FMN1: variants seen among roughly 807,000 people sequenced by gnomAD.
FMN1 encodes formin-1.
A neutral mutation model predicts 132.4 loss-of-function variants in FMN1; 110 were observed. The ratio of observed to expected loss-of-function variants is 0.83; its 90% CI spans 0.71 to 0.97. FMN1 has a LOEUF of 0.97. Ranked by LOEUF, FMN1 falls within the 50% of genes least tolerant of loss-of-function variation. The probability of loss-of-function intolerance (pLI) is 0.00; values close to 1 mark genes in which losing one functional copy is unlikely to be tolerated. For synonymous variants in FMN1, 722 were observed against 651.7 expected (o/e 1.11, Z -1.64); for missense variants, 1,792 against 1,705.3 (o/e 1.05, Z -0.90).
At chr15:32,898,688 C>T (rs1466100053) in intron 15 of FMN1, 146 bp downstream of exon 15, 32 of 550,408 alleles carry the variant, frequency 5.8e-5, no homozygotes, top group Non-Finnish European at 3.3e-6. Flanking sequence ...CTCTTGGTTT[C>T]AGTGTGCTCA....
intron 4 of FMN1, among the ~76,000 whole-genome samples, chr15:33,127,320 C>G (rs1057492528): frequency 6.6e-6 from 1 of 152,012 alleles, no homozygotes; most frequent in Non-Finnish European, 1.5e-5. Context: ...TAATGCTCCT[C>G]CACATTCAAC....
intron 15 of FMN1, among the ~76,000 whole-genome samples, chr15:32,888,645 C>T (rs978801268): frequency 6.6e-6 from 1 of 152,172 alleles, no homozygotes; most frequent in East Asian, 1.9e-4. Flanking sequence ...TTGAAGTCCC[C>T]ATTTGATTTA....
chr15:32,815,743 C>G (rs763970085), intron 17 of FMN1, among the ~76,000 whole-genome samples: 2 of 152,136 alleles, frequency 1.3e-5, no homozygotes, highest in Non-Finnish European at 2.9e-5. Context: ...TAGTCTAATA[C>G]AATGGCCTAG....
chr15:33,126,013 T>C (rs59336673), intron 4 of FMN1, among the ~76,000 whole-genome samples: 1 of 151,816 alleles, frequency 6.6e-6, no homozygotes, highest in South Asian at 2.1e-4. Context: ...ACACATGAGA[T>C]AACAGTAATA....
intron 4 of FMN1, among the ~76,000 whole-genome samples, chr15:33,128,649 G>A (rs1327917438): frequency 6.6e-6 from 1 of 152,170 alleles, no homozygotes; most frequent in Non-Finnish European, 1.5e-5. Context: ...AAGACGGTGC[G>A]TCCGGATGCT....
intron 9 of FMN1, among the ~76,000 whole-genome samples, chr15:32,934,598 C>CTTTT (rs376553575): frequency 2.4e-5 from 3 of 127,126 alleles, no homozygotes; most frequent in East Asian, 2.2e-4. Flanking sequence ...AATTTTTTTC[C>CTTTT]TTTTTTTTTT....
At chr15:32,944,517 G>A (rs1197016294) in intron 9 of FMN1, among the ~76,000 whole-genome samples, 3 of 152,156 alleles carry the variant, frequency 2.0e-5, no homozygotes, top group Non-Finnish European at 1.5e-5. Flanking sequence ...AAACTGTTAG[G>A]TCTGAATCTC....
chr15:33,014,295 G>C (rs1459440030), intron 6 of FMN1, among the ~76,000 whole-genome samples: 3 of 152,216 alleles, frequency 2.0e-5, no homozygotes, highest in Admixed American at 2.0e-4. Flanking sequence ...GATGCTTCTT[G>C]AGGCTTGCAG....
At chr15:32,984,267 GTTTT>G (rs1205239712) in intron 7 of FMN1, among the ~76,000 whole-genome samples, 2 of 151,896 alleles carry the variant, frequency 1.3e-5, no homozygotes, top group African/African-American at 2.4e-5. Flanking sequence ...ACTACTTTGG[GTTTT>G]TTATTTTCTT....
At chr15:33,086,099 A>C (rs2038680606) in intron 5 of FMN1, among the ~76,000 whole-genome samples, 1 of 151,920 alleles carries the variant, frequency 6.6e-6, no homozygotes, top group Non-Finnish European at 1.5e-5. Context: ...AAAATACAAA[A>C]AATTAGCTGG....
At chr15:33,067,478 C>T (rs768258152) in intron 5 of FMN1, 2 of 1,613,926 alleles carry the variant, frequency 1.2e-6, no homozygotes, top group East Asian at 2.2e-5. Flanking sequence ...CCCACGAACA[C>T]AAATGACATC....
chr15:33,082,447 T>C (rs1459801770), intron 5 of FMN1, among the ~76,000 whole-genome samples: 1 of 152,208 alleles, frequency 6.6e-6, no homozygotes, highest in Admixed American at 6.5e-5. Context: ...GTTTTCAATT[T>C]CAGGCCATAC....
At position 33,153,199 on chromosome 15, in the gene FMN1, C is replaced by T; in HGVS notation, c.1716G>A (p.Glu572=). 1 of 1,536,126 alleles carries T rather than the reference C, an allele frequency of 6.5e-7. No individual in the cohort carries two copies. Among genetic ancestry groups the T allele is most frequent in the Non-Finnish European group, 8.7e-7 (1 of 1,146,920 alleles). Residue 572 remains glutamate, a synonymous_variant, in exon 4 of 21, where the codon GAG becomes GAA. Coordinates refer to ENST00000616417, the MANE Select transcript of FMN1 (RefSeq NM_001277313.2). ...CCGTGACCTTTGCAGAGGATGGTGG[C>T]TCCAAGGTGTCAGCAGAGACGCACC... ...FSGCVSADTL[E]PPSSAKVTET... is the part of the protein sequence containing the mutation.
At position 33,144,000 on chromosome 15, in the gene FMN1, A is replaced by G. The variant is rs1286201116; in HGVS notation, c.1867+9048T>C. Among the ~76,000 whole-genome samples, 8 of 152,230 alleles carry G rather than the reference A, an allele frequency of 5.3e-5. No homozygotes were observed. The East Asian group carries it at 1.5e-3, about 29-fold the overall frequency. On this transcript the variant is annotated intron_variant, in intron 4 of 20. Transcript: ENST00000616417. Reference sequence around the variant, plus strand: ...ATAGAAATATGATATGGAAATCAGTAGGGACAAAATTACTATTAGATGCAG... The same window carrying G: ...ATAGAAATATGATATGGAAATCAGTGGGGACAAAATTACTATTAGATGCAG...
intron 4 of FMN1, among the ~76,000 whole-genome samples, chr15:33,129,237 C>T (rs1450532495): frequency 6.6e-6 from 1 of 152,142 alleles, no homozygotes; most frequent in East Asian, 1.9e-4. Context: ...GGAATTGAAA[C>T]CACTCAGTGA....
chr15:33,168,014 A>C (rs762652270), intron 3 of FMN1, among the ~76,000 whole-genome samples: 1 of 152,162 alleles, frequency 6.6e-6, no homozygotes, highest in Non-Finnish European at 1.5e-5. Flanking sequence ...ATCCACTAAG[A>C]TCAAACCCGT....
intron 6 of FMN1, among the ~76,000 whole-genome samples, chr15:33,011,846 C>T (rs964405056): frequency 2.0e-5 from 3 of 151,990 alleles, no homozygotes; most frequent in Non-Finnish European, 4.4e-5. Flanking sequence ...AAAAGGTGCT[C>T]CTTATTAGTA....
At chr15:32,803,572 T>A (rs1377994725) in intron 18 of FMN1, among the ~76,000 whole-genome samples, 1 of 152,158 alleles carries the variant, frequency 6.6e-6, no homozygotes, top group Non-Finnish European at 1.5e-5. Flanking sequence ...AAATTGTCCA[T>A]ACGCTGTATG....
chr15:32,815,556 C>T (rs760626704), intron 17 of FMN1, among the ~76,000 whole-genome samples: 13 of 152,176 alleles, frequency 8.5e-5, no homozygotes, highest in Non-Finnish European at 1.5e-4. Context: ...TAAGAAATTA[C>T]CTCATATAAA....
Sources: allele counts gnomAD v4.1 joint callset (sites outside exome capture counted in the v4.1 genomes callset), GRCh38; gene constraint gnomAD v4.1.1; transcripts MANE v1.5; gene names NCBI Gene and HGNC (gene_info 2026-07-23, HGNC 2026-07-21).